The following OSBPL10 variants were observed in gnomAD, a reference collection of about 807,000 sequenced individuals.
OSBPL10 encodes the protein oxysterol-binding protein-related protein 10.
Under a neutral mutation model 81.7 loss-of-function variants are expected in OSBPL10, and 49 were observed. The observed-to-expected ratio is 0.60, with a 90% CI of 0.48 to 0.76. The LOEUF (loss-of-function observed/expected upper bound fraction) is 0.76, where lower values mean the gene tolerates loss of function less well. Ranked by LOEUF, OSBPL10 falls within the 30% of genes least tolerant of loss-of-function variation. The probability of loss-of-function intolerance (pLI) is 0.00; values close to 1 mark genes in which losing one functional copy is unlikely to be tolerated. For synonymous variants in OSBPL10, 419 were observed against 383.6 expected, an observed-to-expected ratio of 1.09 and a Z score of -1.08; for missense variants, 923 against 987.8, an observed-to-expected ratio of 0.93 and a Z score of 0.88.
At chr3:31,803,749 A>G (rs1699453893) in intron 4 of OSBPL10, among the ~76,000 whole-genome samples, 1 of 152,152 alleles carries the variant, frequency 6.6e-6, no homozygotes, top group African/African-American at 2.4e-5. Context: ...AATCTATCAT[A>G]CTTTTTAAAA....
chr3:31,960,217 T>A (rs1363615161), intron 1 of OSBPL10: 1 of 152,126 alleles, frequency 6.6e-6, no homozygotes, highest in East Asian at 1.9e-4. Flanking sequence ...AGATCGCTTC[T>A]GAACTTTTAC....
chr3:31,930,679 A>T (rs1429652244), intron 1 of OSBPL10, among the ~76,000 whole-genome samples: 2 of 152,154 alleles, frequency 1.3e-5, no homozygotes, highest in Non-Finnish European at 2.9e-5. Flanking sequence ...ATGATCTTTA[A>T]AAAACAGTGT....
At chr3:31,922,751 T>C (rs1464929567) in intron 1 of OSBPL10, among the ~76,000 whole-genome samples, 2 of 152,156 alleles carry the variant, frequency 1.3e-5, no homozygotes, top group Non-Finnish European at 2.9e-5. Context: ...CAGAGATGGC[T>C]ACAGTGATCT....
rs1462023401 is a variant in OSBPL10 at position 31,726,852 on chromosome 3, A to G, written c.1095+6405T>C. On this transcript the variant is annotated intron_variant, in intron 6 of 11. Coordinates refer to ENST00000396556, the MANE Select transcript of OSBPL10 (RefSeq NM_017784.5). ...AAAATTTATTATTATTATTATTATTATTATTTGCTGAGACTGGATCTCACT... is the reference window on the plus strand; with the variant it reads ...AAAATTTATTATTATTATTATTATTGTTATTTGCTGAGACTGGATCTCACT... Among the ~76,000 whole-genome samples, 3 of 145,264 alleles carry G rather than the reference A, an allele frequency of 2.1e-5. No homozygotes were observed. In the East Asian group the frequency reaches 5.9e-4, roughly 28 times the overall value.
chr3:31,988,614 CTCTCTCTT>C (rs1698977135), intron 2 of OSBPL10: 1 of 176,852 alleles, frequency 5.7e-6, no homozygotes, highest in Non-Finnish European at 1.2e-5. Flanking sequence ...CTCGCTCTCT[CTCTCTCTT>C]TCTCTCTCCC....
intron 8 of OSBPL10, among the ~76,000 whole-genome samples, chr3:31,672,413 C>G (rs1409831143): frequency 8.3e-6 from 1 of 120,184 alleles, no homozygotes; most frequent in Middle Eastern, 4.2e-3. Flanking sequence ...AGAGAACACA[C>G]CAGGAGGATA....
chr3:31,754,632 G>A (rs1024513402), intron 4 of OSBPL10, among the ~76,000 whole-genome samples: 1 of 152,144 alleles, frequency 6.6e-6, no homozygotes, highest in Admixed American at 6.5e-5. Context: ...TACTGCAGGA[G>A]TCTGCAGACT....
rs145624983 is a variant in OSBPL10 at position 32,072,103 on chromosome 3, G to A, written n.185+5293C>T. On this transcript the variant is annotated intron_variant and non_coding_transcript_variant, in intron 1 of 3. Transcript: ENST00000479173. The stretch of plus-strand genomic sequence containing the variant: ...GCCCTCACTCTTGCAAAGGAATTAC[G>A]CGTCAATATTTATACTGACTCTAAA... 7.8e-3 allele frequency among the ~76,000 whole-genome samples: 1,190 copies of A among 152,078 alleles called. 5 individuals carry two copies. Among genetic ancestry groups the A allele is most frequent in the Non-Finnish European group, 0.013 (868 of 67,994 alleles).
At chr3:31,741,633 A>G (rs1375266093) in intron 5 of OSBPL10, among the ~76,000 whole-genome samples, 1 of 152,252 alleles carries the variant, frequency 6.6e-6, no homozygotes, top group Non-Finnish European at 1.5e-5. Context: ...AAAATAAAAA[A>G]TAAACACTTA....
At chr3:31,942,807 T>C (rs778600721) in intron 1 of OSBPL10, among the ~76,000 whole-genome samples, 1 of 152,216 alleles carries the variant, frequency 6.6e-6, no homozygotes, top group Non-Finnish European at 1.5e-5. Flanking sequence ...GCTAACACAG[T>C]TTTGACAAAA....
intron 5 of OSBPL10, among the ~76,000 whole-genome samples, chr3:31,739,892 T>C (rs1464979515): frequency 6.6e-6 from 1 of 152,238 alleles, no homozygotes; most frequent in Non-Finnish European, 1.5e-5. Flanking sequence ...TTAAAAATAT[T>C]GCATTAAAAC....
chr3:31,999,698 T>C (rs993597680), intron 2 of OSBPL10, among the ~76,000 whole-genome samples: 5 of 152,044 alleles, frequency 3.3e-5, no homozygotes, highest in African/African-American at 1.2e-4. Flanking sequence ...CATTCATAAG[T>C]TTTGCTTTGG....
At chr3:31,967,861 G>A (rs1698445299) in intron 1 of OSBPL10, among the ~76,000 whole-genome samples, 1 of 152,200 alleles carries the variant, frequency 6.6e-6, no homozygotes, top group African/African-American at 2.4e-5. Context: ...GGATGCTTCA[G>A]TGGCCACATT....
At position 31,668,800 on chromosome 3, in the gene OSBPL10, G is replaced by A; in HGVS notation, c.1938C>T (p.Asn646=). ...CTTTACAAACAATGGTGTTGGTTGG[G>A]TTGTGCTTCACTTCTGCGGTAACCC... ...VHRVTAEVKH[N]PTNTIVCKAH... is the part of the protein sequence containing the mutation. The change falls in exon 10 of 12, where the codon AAC becomes AAT. Residue 646 remains asparagine (N), a synonymous_variant. Coordinates refer to ENST00000396556, the MANE Select transcript of OSBPL10 (RefSeq NM_017784.5). 1.2e-6 allele frequency: 2 copies of A among 1,611,498 alleles called. No individual in the cohort carries two copies. The highest frequency in any genetic ancestry group is 1.1e-5 in the South Asian group (1 of 90,640).
At chr3:31,914,706 G>A (rs1696699182) in intron 1 of OSBPL10, among the ~76,000 whole-genome samples, 1 of 152,110 alleles carries the variant, frequency 6.6e-6, no homozygotes, top group Non-Finnish European at 1.5e-5. Context: ...CACTACAAAT[G>A]CCCAACTAGT....
At chr3:31,928,762 C>CAAAAAAAAAAAAAAAAAAA (rs58345341) in intron 1 of OSBPL10, among the ~76,000 whole-genome samples, 3 of 95,100 alleles carry the variant, frequency 3.2e-5, no homozygotes, top group Admixed American at 1.0e-4. Flanking sequence ...GACTTGTCTC[C>CAAAAAAAAAAAAAAAAAAA]AAAAAAAAAA....
chr3:31,774,231 G>C (rs781605336), intron 4 of OSBPL10, among the ~76,000 whole-genome samples: 9 of 151,984 alleles, frequency 5.9e-5, no homozygotes, highest in Admixed American at 3.9e-4. Flanking sequence ...CTTTTAAAAG[G>C]GAGCAGAGAA....
intron 3 of OSBPL10, among the ~76,000 whole-genome samples, chr3:31,855,250 G>C (rs898462233): frequency 3.9e-5 from 6 of 152,012 alleles, no homozygotes; most frequent in African/African-American, 1.4e-4. Context: ...TCAAACTCCT[G>C]GGCTAAAGCA....
chr3:31,821,952 C>T (rs1269629896), intron 4 of OSBPL10, among the ~76,000 whole-genome samples: 5 of 152,214 alleles, frequency 3.3e-5, no homozygotes, highest in Admixed American at 6.5e-5. Context: ...CAAGATCACA[C>T]CAAATCATCC....
Sources: allele counts gnomAD v4.1 joint callset (sites outside exome capture counted in the v4.1 genomes callset), GRCh38; gene constraint gnomAD v4.1.1; transcripts MANE v1.5; gene names NCBI Gene and HGNC (gene_info 2026-07-23, HGNC 2026-07-21).